The following EARS2 variants were observed in gnomAD, a reference collection of about 807,000 sequenced individuals.
The protein encoded by EARS2 is glutamyl-tRNA synthetase 2, mitochondrial.
In EARS2, 50 loss-of-function variants were observed where a neutral mutation model predicts 54.1. The observed-to-expected ratio is 0.92, with a 90% confidence interval of 0.74 to 1.17. EARS2 has a LOEUF of 1.17. Among genes scored for constraint, EARS2 ranks in the 50% most tolerant of loss-of-function variants. The pLI, the probability that EARS2 is intolerant of heterozygous loss-of-function variation, is 0.00. For synonymous variants in EARS2, 298 were observed against 281.0 expected (o/e 1.06, Z -0.61); for missense variants, 673 against 675.0 (o/e 1.00, Z 0.03).
intron 1 of EARS2, among the ~76,000 whole-genome samples, chr16:23,556,577 T>A (rs1391085510): frequency 2.0e-5 from 3 of 152,182 alleles, no homozygotes; most frequent in Non-Finnish European, 4.4e-5. Flanking sequence ...GGCTCTCAAG[T>A]GATCCACTTG....
At chr16:23,549,567 G>A (rs28664847) in intron 2 of EARS2, among the ~76,000 whole-genome samples, 12,536 of 152,206 alleles carry the variant, frequency 0.082, 921 homozygotes, top group African/African-American at 0.19. Context: ...AGGCTCAGGT[G>A]ATGCTCCCAC....
In EARS2 at chr16:23,523,374, T is replaced by C. The variant is rs1421025841; in HGVS notation, c.*997A>G. 6.6e-6 allele frequency: 1 copy of C among 151,860 alleles called. No homozygotes were observed. The highest frequency in any genetic ancestry group is 1.5e-5 in the Non-Finnish European group (1 of 67,990). 9.4% of individuals were successfully genotyped at this position (151,860 alleles called of 1,614,324 possible). On this transcript the variant is annotated 3_prime_UTR_variant, in exon 9 of 9. Coordinates refer to ENST00000449606, the MANE Select transcript of EARS2 (RefSeq NM_001083614.2). ...TGGATTTGAAGAGAAAGCCACAAAATAGGAAGGGTGAAGGTCTCCAGTCCA... is the reference window on the plus strand; with the variant it reads ...TGGATTTGAAGAGAAAGCCACAAAACAGGAAGGGTGAAGGTCTCCAGTCCA...
At chr16:23,526,204 C>A (rs1468163963) in intron 7 of EARS2, among the ~76,000 whole-genome samples, 1 of 148,740 alleles carries the variant, frequency 6.7e-6, no homozygotes, top group African/African-American at 2.5e-5. Context: ...CCTCCACGTT[C>A]CAGGTTCAAG....
intron 2 of EARS2, among the ~76,000 whole-genome samples, chr16:23,546,699 G>C (rs754562649): frequency 6.6e-6 from 1 of 152,188 alleles, no homozygotes; most frequent in Non-Finnish European, 1.5e-5. Flanking sequence ...GAGACTACAG[G>C]TACATGCCAC....
chr16:23,531,199 C>T (rs956656653), intron 5 of EARS2, among the ~76,000 whole-genome samples: 2 of 151,866 alleles, frequency 1.3e-5, no homozygotes, highest in African/African-American at 4.8e-5. Flanking sequence ...GCCCAGCCTA[C>T]ATCCACTCTT....
In EARS2 at chr16:23,525,244, C is replaced by T; in HGVS notation, c.1488G>A (p.Gln496=). 1 of 1,614,184 alleles carries T rather than the reference C, an allele frequency of 6.2e-7. No homozygotes were observed. Among genetic ancestry groups the T allele is most frequent in the Non-Finnish European group, 8.5e-7 (1 of 1,180,036 alleles). Residue 496 remains glutamine (Q), a splice_region_variant and synonymous_variant, in exon 8 of 9, where the codon CAG becomes CAA. Transcript: ENST00000449606. ...AATCCAACCCGTGTCCCTGCCTCAC[C>T]TGCTGTCCACTGAGGGCCATCCGAA... ...KLLRMALSGQ[Q]QGPPVAEMML... is the part of the protein sequence containing the mutation.
intron 2 of EARS2, among the ~76,000 whole-genome samples, chr16:23,548,290 AAAAG>A (rs915275306): frequency 2.0e-5 from 3 of 151,770 alleles, no homozygotes; most frequent in East Asian, 1.9e-4. Context: ...AAAAAATTAA[AAAAG>A]AAAGAATGAC....
rs1965205967 is a variant in EARS2, at chr16:23,525,262, C to G, written c.1470G>C (p.Met490Ile). ...GCCTCACCTGCTGTCCACTGAGGGC[C>G]ATCCGAAGGAGTTTCATCACATTAC... The part of the protein sequence containing the change: ...KYSNVMKLLR[M>I]ALSGQQQGPP... Residue 490 changes from methionine (M) to isoleucine (I), a missense_variant, in exon 8 of 9, where the codon ATG becomes ATC. By Grantham distance (10) the Met-to-Ile change is conservative. Transcript: ENST00000449606. 6.2e-7 allele frequency: 1 copy of G among 1,614,046 alleles called. No homozygotes were observed.
intron 3 of EARS2, among the ~76,000 whole-genome samples, chr16:23,540,482 T>C (rs1029287206): frequency 6.6e-6 from 1 of 152,222 alleles, no homozygotes; most frequent in Non-Finnish European, 1.5e-5. Context: ...TGTAAACAAG[T>C]AAAGGGCCAG....
chr16:23,541,649 A>G (rs1451669846), intron 3 of EARS2, among the ~76,000 whole-genome samples: 1 of 152,024 alleles, frequency 6.6e-6, no homozygotes, highest in Non-Finnish European at 1.5e-5. Flanking sequence ...TTGAGTGGCC[A>G]GAGTCAAGAT....
intron 1 of EARS2, among the ~76,000 whole-genome samples, chr16:23,554,565 G>A (rs532911820): frequency 1.4e-4 from 22 of 152,170 alleles, no homozygotes; most frequent in Non-Finnish European, 3.2e-4. Flanking sequence ...GGCAGCAGAG[G>A]AGAGAAAAAG....
chr16:23,537,606 C>A (rs1255207854), intron 3 of EARS2: 1 of 152,114 alleles, frequency 6.6e-6, no homozygotes, highest in Non-Finnish European at 1.5e-5. Context: ...AGGTCTCACT[C>A]TCGTTGATCA....
At chr16:23,528,461 C>A (rs1965266848) in intron 7 of EARS2, among the ~76,000 whole-genome samples, 1 of 152,232 alleles carries the variant, frequency 6.6e-6, no homozygotes, top group African/African-American at 2.4e-5. Context: ...ATGGCATAGG[C>A]ACAGAAAGGA....
In EARS2 at chr16:23,524,217, C is replaced by G; in HGVS notation, c.*154G>C. 1 of 706,934 alleles carries G rather than the reference C, an allele frequency of 1.4e-6. No individual in the cohort carries two copies. Among genetic ancestry groups the G allele is most frequent in the East Asian group, 2.5e-5 (1 of 40,128 alleles). The allele number at this position is 706,934 out of a possible 1,614,324, so 43.8% of individuals were successfully genotyped here. A position where few individuals can be genotyped will look rare whatever the true frequency, so the allele number is the denominator to read the frequency against. On this transcript the variant is annotated 3_prime_UTR_variant, in exon 9 of 9. Coordinates refer to ENST00000449606, the MANE Select transcript of EARS2 (RefSeq NM_001083614.2). ...TGACAAAAACGTGCCTGTGGTGGAT[C>G]ACAAATGCACTTGTGTGCAGTCAGA...
At chr16:23,541,701 T>C (rs1322203133) in intron 3 of EARS2, among the ~76,000 whole-genome samples, 8 of 150,356 alleles carry the variant, frequency 5.3e-5, no homozygotes, top group Non-Finnish European at 8.9e-5. Flanking sequence ...TGGATCTTCT[T>C]TTTTTTTTTT....
At position 23,549,717 on chromosome 16, in the gene EARS2, A is replaced by G. The variant is rs922839852; in HGVS notation, c.295+2432T>C. Among the ~76,000 whole-genome samples, 5 of 152,140 alleles carry G rather than the reference A, an allele frequency of 3.3e-5. No homozygotes were observed. In the East Asian group the frequency reaches 9.7e-4, roughly 30 times the overall value. ...GTGATCCTCTCTTCTTGGCCTCCCA[A>G]AGTGCTGGGATTCCAGGCGTGTACC... On this transcript the variant is annotated intron_variant, in intron 2 of 8. Transcript: ENST00000449606.
chr16:23,527,547 GTTCTT>G (rs1309753670), intron 7 of EARS2, among the ~76,000 whole-genome samples: 2 of 129,886 alleles, frequency 1.5e-5, no homozygotes, highest in Non-Finnish European at 3.1e-5. Context: ...AAGAGTGATC[GTTCTT>G]TTTTTTTTTT....
At chr16:23,527,907 T>C (rs141461181) in intron 7 of EARS2, among the ~76,000 whole-genome samples, 8 of 152,358 alleles carry the variant, frequency 5.3e-5, no homozygotes, top group African/African-American at 1.9e-4. Context: ...TGTGTTCCCC[T>C]AAATTCATAT....
In EARS2 at chr16:23,557,027, T is replaced by C. The variant is rs776915353; in HGVS notation, c.139+178A>G. ...AAAAACACAAGAAACTCCTGGCAATTTGAATTATTTCCGCTCCTGCACCTC... is the reference window on the plus strand; with the variant it reads ...AAAAACACAAGAAACTCCTGGCAATCTGAATTATTTCCGCTCCTGCACCTC... On this transcript the variant is annotated intron_variant, in intron 1 of 8. Transcript: ENST00000449606. 5.0e-5 allele frequency: 48 copies of C among 964,376 alleles called. No homozygotes were observed. The Admixed American group carries it at 5.9e-4, about 12-fold the overall frequency. 59.7% of individuals were successfully genotyped at this position (964,376 alleles called of 1,614,324 possible). A position where few individuals can be genotyped will look rare whatever the true frequency, so the allele number is the denominator to read the frequency against.
Sources: gnomAD v4.1 joint callset for allele counts (sites outside exome capture counted in the v4.1 genomes callset) on GRCh38, gnomAD v4.1.1 for gene constraint, MANE v1.5 for transcripts, NCBI Gene and HGNC (gene_info 2026-07-23, HGNC 2026-07-21) for gene names.